Variants in PTPRT observed in about 807,000 individuals in gnomAD.
PTPRT encodes receptor-type tyrosine-protein phosphatase T.
A neutral mutation model predicts 176.8 loss-of-function variants in PTPRT; 56 were observed. That is an observed-to-expected ratio of 0.32 (90% CI 0.26 to 0.40). PTPRT has a LOEUF of 0.40. Among genes scored for constraint, PTPRT ranks in the 10% least tolerant of loss-of-function variants. PTPRT has a pLI of 1.00. For missense variants in PTPRT, 1,540 were observed against 1,908.2 expected (o/e 0.81, Z 3.60); for synonymous variants, 783 against 739.0 (o/e 1.06, Z -0.96).
At chr20:43,137,175 G>T (rs75495823) in intron 1 of PTPRT, among the ~76,000 whole-genome samples, 2,279 of 152,240 alleles carry the variant, frequency 0.015, 32 homozygotes, top group Non-Finnish European at 0.024. Flanking sequence ...GAAAACTGGG[G>T]CCCAGAAGGG....
intron 23 of PTPRT, among the ~76,000 whole-genome samples, chr20:42,108,422 A>G (rs1016949929): frequency 4.2e-5 from 6 of 142,872 alleles, no homozygotes; most frequent in African/African-American, 1.5e-4. Flanking sequence ...TAAAATACTC[A>G]CTCATCTATA....
intron 7 of PTPRT, among the ~76,000 whole-genome samples, chr20:42,496,018 T>C (rs2071647241): frequency 6.6e-6 from 1 of 152,204 alleles, no homozygotes; most frequent in African/African-American, 2.4e-5. Context: ...ATATGTATTA[T>C]ACATTGTATT....
rs568088084 is a variant in PTPRT at position 42,732,419 on chromosome 20, A to C, written c.859+24043T>G. 2.3e-4 allele frequency among the ~76,000 whole-genome samples: 35 copies of C among 152,350 alleles called. 1 individual carries two copies. The South Asian group carries it at 6.6e-3, about 29-fold the overall frequency. On this transcript the variant is annotated intron_variant, in intron 6 of 30. Transcript: ENST00000373187. The stretch of plus-strand genomic sequence containing the variant: ...TACTCACGCAATAAATATGTGAGTA[A>C]ATGAATTAACAAGTGAACAATGCAT...
At chr20:42,964,336 A>G (rs1982171982) in intron 1 of PTPRT, among the ~76,000 whole-genome samples, 1 of 151,986 alleles carries the variant, frequency 6.6e-6, no homozygotes, top group East Asian at 1.9e-4. Flanking sequence ...ATGTCAATAG[A>G]AAAAAAATGC....
At position 43,080,513 on chromosome 20, in the gene PTPRT, G is replaced by T. The variant is rs1047637274; in HGVS notation, c.88+109133C>A. ...ACTACACCCATTGAGATCACTGTAT[G>T]GTTATTCTCCTTTTGTCTGTTAATG... On this transcript the variant is annotated intron_variant, in intron 1 of 30. Transcript: ENST00000373187. Among the ~76,000 whole-genome samples, 4 of 152,280 alleles carry T rather than the reference G, an allele frequency of 2.6e-5. No homozygotes were observed. The East Asian group carries it at 7.7e-4, about 29-fold the overall frequency.
At chr20:42,984,648 T>A (rs1983470336) in intron 1 of PTPRT, among the ~76,000 whole-genome samples, 1 of 152,222 alleles carries the variant, frequency 6.6e-6, no homozygotes, top group African/African-American at 2.4e-5. Context: ...ATTATTTAGT[T>A]CTCACAATAA....
chr20:42,437,496 G>T (rs1190801476), intron 9 of PTPRT, among the ~76,000 whole-genome samples: 3 of 152,130 alleles, frequency 2.0e-5, no homozygotes, highest in Non-Finnish European at 1.5e-5. Flanking sequence ...AAATAAAACA[G>T]AACAAGAAAG....
chr20:42,868,438 T>C (rs906378335), intron 2 of PTPRT, among the ~76,000 whole-genome samples: 17 of 152,192 alleles, frequency 1.1e-4, no homozygotes, highest in Non-Finnish European at 1.8e-4. Flanking sequence ...GGTGATAAAC[T>C]AGGATATCTG....
At chr20:42,516,944 A>C (rs546251851) in intron 7 of PTPRT, among the ~76,000 whole-genome samples, 3 of 152,240 alleles carry the variant, frequency 2.0e-5, no homozygotes, top group Non-Finnish European at 4.4e-5. Flanking sequence ...TTTGCTAATA[A>C]ATTGCTAACT....
chr20:42,286,308 C>CACACTA (rs1394787138), intron 12 of PTPRT, among the ~76,000 whole-genome samples: 4 of 152,014 alleles, frequency 2.6e-5, no homozygotes, highest in African/African-American at 9.7e-5. Flanking sequence ...CTAGAGGTTT[C>CACACTA]ACACTAACAG....
intron 1 of PTPRT, among the ~76,000 whole-genome samples, chr20:42,982,367 A>G (rs972465058): frequency 1.3e-5 from 2 of 152,208 alleles, no homozygotes; most frequent in Non-Finnish European, 2.9e-5. Context: ...CAAGTAACAT[A>G]ATTATATCAT....
chr20:42,058,964 A>T, the PTPRT span, among the ~76,000 whole-genome samples: 12,765 of 152,200 alleles, frequency 0.084, 1,202 homozygotes, highest in African/African-American at 0.23. Context: ...AGGAGGCTAC[A>T]CACTAGAATC....
At chr20:42,773,466 T>C (rs1213941769) in intron 4 of PTPRT, among the ~76,000 whole-genome samples, 1 of 152,068 alleles carries the variant, frequency 6.6e-6, no homozygotes, top group East Asian at 1.9e-4. Flanking sequence ...TTCCCCAATG[T>C]ACTTTTACTC....
intron 6 of PTPRT, among the ~76,000 whole-genome samples, chr20:42,716,970 G>T (rs2076233347): frequency 6.6e-6 from 1 of 151,544 alleles, no homozygotes; most frequent in African/African-American, 2.4e-5. Context: ...CTCACTCATA[G>T]GTGGGAATTG....
intron 8 of PTPRT, among the ~76,000 whole-genome samples, chr20:42,462,144 A>C (rs2071031955): frequency 6.6e-6 from 1 of 152,102 alleles, no homozygotes; most frequent in South Asian, 2.1e-4. Context: ...TGAGAGCTGG[A>C]GGGAATTTCT....
At chr20:42,826,322 A>T (rs2077992430) in intron 2 of PTPRT, among the ~76,000 whole-genome samples, 1 of 152,210 alleles carries the variant, frequency 6.6e-6, no homozygotes, top group South Asian at 2.1e-4. Flanking sequence ...AGCCGTGAAC[A>T]TTCCAATGTT....
chr20:42,491,200 A>G (rs2071556947), intron 7 of PTPRT, among the ~76,000 whole-genome samples: 1 of 152,114 alleles, frequency 6.6e-6, no homozygotes, highest in South Asian at 2.1e-4. Flanking sequence ...CACGCATGAA[A>G]TGGGCCTGTA....
chr20:42,219,197 T>C (rs976071306), intron 15 of PTPRT, among the ~76,000 whole-genome samples: 2 of 152,062 alleles, frequency 1.3e-5, no homozygotes, highest in Non-Finnish European at 1.5e-5. Flanking sequence ...AGAAAAGCAA[T>C]TGAATTTAAT....
intron 1 of PTPRT, among the ~76,000 whole-genome samples, chr20:43,166,964 G>T (rs2014874999): frequency 6.6e-6 from 1 of 152,164 alleles, no homozygotes; most frequent in Non-Finnish European, 1.5e-5. Flanking sequence ...CCAGTTTCCA[G>T]TGTCCTGTCA....
Sources: gnomAD v4.1 joint callset for allele counts (sites outside exome capture counted in the v4.1 genomes callset) on GRCh38, gnomAD v4.1.1 for gene constraint, MANE v1.5 for transcripts, NCBI Gene and HGNC (gene_info 2026-07-23, HGNC 2026-07-21) for gene names.